Variants in EXOC4 observed in about 807,000 individuals in gnomAD.
The protein encoded by EXOC4 is SEC8-like 1.
In EXOC4, 71 loss-of-function variants were observed where a neutral mutation model predicts 107.2. The ratio of observed to expected loss-of-function variants is 0.66; its 90% confidence interval spans 0.55 to 0.81. The LOEUF is 0.81. Among genes scored for constraint, EXOC4 ranks in the 30% least tolerant of loss-of-function variants. The probability of loss-of-function intolerance (pLI) is 0.00; values close to 1 mark genes in which losing one functional copy is unlikely to be tolerated. For synonymous variants in EXOC4, 456 were observed against 441.2 expected, an observed-to-expected ratio of 1.03 and a Z score of -0.42; for missense variants, 1,108 against 1,189.6, an observed-to-expected ratio of 0.93 and a Z score of 1.01.
rs144542775 is a variant in EXOC4, at chr7:133,569,369, A to G, written c.1418-60676A>G. ...CAAATACGTTAGATATGCCCAAAGG[A>G]CATGACTAGTAAGAGAAGCGCTTCA... On this transcript the variant is annotated intron_variant, in intron 9 of 17. Coordinates refer to ENST00000253861, the MANE Select transcript of EXOC4 (RefSeq NM_021807.4). 5.6e-3 allele frequency among the ~76,000 whole-genome samples: 855 copies of G among 152,344 alleles called. 8 individuals carry two copies. Among genetic ancestry groups the G allele is most frequent in the African/African-American group, 0.02 (812 of 41,578 alleles).
intron 10 of EXOC4, among the ~76,000 whole-genome samples, chr7:133,636,703 T>C (rs1014282): frequency 0.96 from 146,733 of 152,258 alleles, 70,942 homozygotes; most frequent in Non-Finnish European, 1. Context: ...ATCTGGGCTA[T>C]GAGCATTTTT....
chr7:133,878,855 C>G (rs1423846632), intron 11 of EXOC4, among the ~76,000 whole-genome samples: 1 of 152,110 alleles, frequency 6.6e-6, no homozygotes, highest in East Asian at 1.9e-4. Flanking sequence ...TCCTGAGTAG[C>G]TGGGGACTAC....
Position 133,777,365 on chromosome 7 carries a change from T to C in EXOC4, c.1515-39960T>C, listed in dbSNP as rs556409478. ...TTAAATGTGATTGTACTAGACATTTTCAGAAGAAATTATCAGGAAACGTTG... is the reference window on the plus strand; with the variant it reads ...TTAAATGTGATTGTACTAGACATTTCCAGAAGAAATTATCAGGAAACGTTG... On this transcript the variant is annotated intron_variant, in intron 10 of 17. Coordinates refer to ENST00000253861, the MANE Select transcript of EXOC4 (RefSeq NM_021807.4). Among the ~76,000 whole-genome samples the C allele has an allele frequency of 3.3e-5, 5 of 152,220 alleles. No homozygotes were observed. The East Asian group carries it at 9.7e-4, about 29-fold the overall frequency.
At chr7:133,395,186 C>T (rs1023270812) in intron 7 of EXOC4, among the ~76,000 whole-genome samples, 2 of 149,694 alleles carry the variant, frequency 1.3e-5, no homozygotes, top group African/African-American at 2.5e-5. Flanking sequence ...GTAAATGCAA[C>T]TTCCTGATGT....
chr7:133,858,899 A>G (rs1002365341), intron 11 of EXOC4, among the ~76,000 whole-genome samples: 4 of 152,094 alleles, frequency 2.6e-5, no homozygotes, highest in African/African-American at 9.7e-5. Context: ...TCCAGTCCCA[A>G]GATGCATTTC....
chr7:133,641,671 G>A (rs1163328855), intron 10 of EXOC4, among the ~76,000 whole-genome samples: 1 of 152,166 alleles, frequency 6.6e-6, no homozygotes, highest in East Asian at 1.9e-4. Flanking sequence ...TGCTGAAGGT[G>A]CTGGCATCCA....
intron 17 of EXOC4, among the ~76,000 whole-genome samples, chr7:134,030,983 A>C (rs1000149943): frequency 1.3e-5 from 2 of 152,128 alleles, no homozygotes; most frequent in Admixed American, 6.5e-5. Context: ...AAACCTCAAA[A>C]ACATTGTGCT....
chr7:133,599,303 C>T (rs919851887), intron 9 of EXOC4, among the ~76,000 whole-genome samples: 1 of 152,302 alleles, frequency 6.6e-6, no homozygotes, highest in Non-Finnish European at 1.5e-5. Flanking sequence ...TTCTTAGTAT[C>T]TCCTGATTTC....
intron 11 of EXOC4, among the ~76,000 whole-genome samples, chr7:133,870,832 T>G (rs747448436): frequency 6.6e-6 from 1 of 152,228 alleles, no homozygotes; most frequent in Non-Finnish European, 1.5e-5. Flanking sequence ...TATTCGGTTT[T>G]TCATAAGCTC....
the EXOC4 span, among the ~76,000 whole-genome samples, chr7:134,099,604 A>T: frequency 2.2e-5 from 3 of 136,932 alleles, no homozygotes; most frequent in Non-Finnish European, 4.5e-5. Flanking sequence ...ATCTTGGCTC[A>T]CTGCAGGCTC....
chr7:133,832,202 A>G (rs1797825494), intron 11 of EXOC4, among the ~76,000 whole-genome samples: 1 of 152,214 alleles, frequency 6.6e-6, no homozygotes, highest in African/African-American at 2.4e-5. Flanking sequence ...TTAGGTCAGT[A>G]CCTTTTCTCC....
chr7:133,887,365 G>A (rs1270133101), intron 11 of EXOC4, among the ~76,000 whole-genome samples: 1 of 152,124 alleles, frequency 6.6e-6, no homozygotes, highest in Admixed American at 6.5e-5. Context: ...TGAGAATCCT[G>A]AGAGATTATA....
chr7:133,986,320 G>T (rs983215784), intron 14 of EXOC4, among the ~76,000 whole-genome samples: 2 of 152,156 alleles, frequency 1.3e-5, no homozygotes, highest in Non-Finnish European at 2.9e-5. Flanking sequence ...GTGTTTCTTA[G>T]ATAAGGCCCA....
At chr7:134,021,741 A>G (rs1307676801) in intron 17 of EXOC4, among the ~76,000 whole-genome samples, 1 of 151,530 alleles carries the variant, frequency 6.6e-6, no homozygotes, top group Non-Finnish European at 1.5e-5. Flanking sequence ...AAAAAAAAAA[A>G]AAAAAGTGGA....
chr7:133,297,022 T>C (rs1040915171), intron 3 of EXOC4, among the ~76,000 whole-genome samples: 1 of 152,202 alleles, frequency 6.6e-6, no homozygotes, highest in African/African-American at 2.4e-5. Context: ...GCAAAACTTA[T>C]TGTCCTTGTC....
intron 10 of EXOC4, among the ~76,000 whole-genome samples, chr7:133,761,110 G>C (rs1796023688): frequency 6.6e-6 from 1 of 152,110 alleles, no homozygotes; most frequent in African/African-American, 2.4e-5. Flanking sequence ...AATCTACTGG[G>C]GCTTCAGCCT....
intron 9 of EXOC4, among the ~76,000 whole-genome samples, chr7:133,619,503 T>C (rs1251991705): frequency 6.6e-6 from 1 of 152,180 alleles, no homozygotes; most frequent in East Asian, 1.9e-4. Context: ...AGTTTGAGGT[T>C]TATTCACATC....
chr7:133,438,961 G>T (rs1180161091), intron 7 of EXOC4, among the ~76,000 whole-genome samples: 2 of 152,230 alleles, frequency 1.3e-5, no homozygotes, highest in East Asian at 3.9e-4. Context: ...CAATGACTGG[G>T]AATCAGGAAA....
At chr7:133,711,981 G>C (rs1262374723) in intron 10 of EXOC4, among the ~76,000 whole-genome samples, 1 of 152,040 alleles carries the variant, frequency 6.6e-6, no homozygotes, top group African/African-American at 2.4e-5. Flanking sequence ...AAGTGGATTT[G>C]ACAAACATCA....
Sources: allele counts gnomAD v4.1 joint callset (sites outside exome capture counted in the v4.1 genomes callset), GRCh38; gene constraint gnomAD v4.1.1; transcripts MANE v1.5; gene names NCBI Gene and HGNC (gene_info 2026-07-23, HGNC 2026-07-21).